CP: variants seen among roughly 807,000 people sequenced by gnomAD.
CP encodes ceruloplasmin.
CP carries 64 observed loss-of-function variants against 122.4 expected under a neutral mutation model. That is an observed-to-expected ratio of 0.52 (90% CI 0.43 to 0.64). CP has a LOEUF of 0.64. Among genes scored for constraint, CP ranks in the 30% least tolerant of loss-of-function variants. The pLI, the probability that CP is intolerant of heterozygous loss-of-function variation, is 0.00. For synonymous variants in CP, 440 were observed against 436.4 expected (o/e 1.01, Z -0.10); for missense variants, 1,167 against 1,284.4 (o/e 0.91, Z 1.40).
chr3:149,194,563 G>T (rs1157200416), intron 9 of CP, among the ~76,000 whole-genome samples: 1 of 151,618 alleles, frequency 6.6e-6, no homozygotes, highest in Non-Finnish European at 1.5e-5. Flanking sequence ...TTAAGTGATG[G>T]TATTACCATT....
At chr3:149,217,573 G>A (rs1288191507) in intron 1 of CP, among the ~76,000 whole-genome samples, 1 of 152,138 alleles carries the variant, frequency 6.6e-6, no homozygotes, top group Non-Finnish European at 1.5e-5. Context: ...CTGCCCAGAG[G>A]AGCATTGACA....
At chr3:149,186,100 C>T (rs1726150630) in intron 11 of CP, 1 of 230,030 alleles carries the variant, frequency 4.3e-6, no homozygotes, top group Non-Finnish European at 8.6e-6. Context: ...TGCATGGCTA[C>T]AATGCTAGCA....
intron 6 of CP, among the ~76,000 whole-genome samples, chr3:149,202,846 T>G (rs1727437230): frequency 7.0e-6 from 1 of 142,790 alleles, no homozygotes; most frequent in Non-Finnish European, 1.5e-5. Flanking sequence ...CCTGACCTCA[T>G]GATCTGCCCG....
chr3:149,172,318 TCACACACACA>T (rs113015797), downstream of CP: 253 of 571,942 alleles, frequency 4.4e-4, 4 homozygotes, highest in South Asian at 2.8e-3. Context: ...ATTTTATATA[TCACACACACA>T]CACACACACA....
chr3:149,162,751 A>G (rs1187673602), exon 6 of CP: 2 of 1,613,766 alleles, frequency 1.2e-6, no homozygotes, highest in Admixed American at 3.3e-5. Context: ...TGGGAAGCTC[A>G]GCTAGTGGCA....
chr3:149,185,598 G>C (rs2108236768), intron 11 of CP, 152 bp from the exon 12 acceptor site: 2 of 730,908 alleles, frequency 2.7e-6, no homozygotes, highest in East Asian at 5.4e-5. Context: ...CCATCCTTTT[G>C]CTGTTCTTAG....
chr3:149,166,599 C>T (rs1304541353), intron 4 of CP, among the ~76,000 whole-genome samples: 1 of 152,122 alleles, frequency 6.6e-6, no homozygotes, highest in Non-Finnish European at 1.5e-5. Flanking sequence ...GTTCCATTAT[C>T]TGAGTGTGCC....
intron 10 of CP, among the ~76,000 whole-genome samples, chr3:149,187,474 T>C (rs567970262): frequency 1.1e-3 from 166 of 152,324 alleles, no homozygotes; most frequent in Non-Finnish European, 2.0e-3. Flanking sequence ...AAAAATCTGG[T>C]ATTAGACTTA....
At chr3:149,202,350 A>G in intron 6 of CP, 109 bp from the exon 7 acceptor site, 1 of 1,363,232 alleles carries the variant, frequency 7.3e-7, no homozygotes, top group South Asian at 1.2e-5. Flanking sequence ...CTTAGAGATG[A>G]ATATTATCCA....
intron 1 of CP, among the ~76,000 whole-genome samples, chr3:149,220,103 G>A (rs10935744): frequency 0.098 from 14,921 of 152,110 alleles, 1,017 homozygotes; most frequent in East Asian, 0.29. Context: ...CAGGCCACAG[G>A]AGTAATTAAA....
chr3:149,220,891 A>C (rs34335607), intron 1 of CP, among the ~76,000 whole-genome samples: 14,926 of 152,212 alleles, frequency 0.098, 1,017 homozygotes, highest in East Asian at 0.29. Flanking sequence ...AGTATAGATA[A>C]ACTTCTGTAC....
At chr3:149,194,081 G>T (rs1412624562) in intron 9 of CP, among the ~76,000 whole-genome samples, 1 of 152,044 alleles carries the variant, frequency 6.6e-6, no homozygotes, top group Non-Finnish European at 1.5e-5. Flanking sequence ...TGTTGCAAAG[G>T]TCAAATAAGG....
In CP at chr3:149,177,996, G is replaced by T; in HGVS notation, c.2879-17C>A. 1 of 1,609,814 alleles carries T rather than the reference G, an allele frequency of 6.2e-7. No homozygotes were observed. The highest frequency in any genetic ancestry group is 1.7e-4 in the Middle Eastern group (1 of 6,050). On this transcript the variant is annotated splice_polypyrimidine_tract_variant and intron_variant, in intron 16 of 18. Transcript: ENST00000264613. ...CATTAATAGCTAGGGAAAGCATATGGTTTTATGTTACTTTTCAGGATATTT... is the reference window on the plus strand; with the variant it reads ...CATTAATAGCTAGGGAAAGCATATGTTTTTATGTTACTTTTCAGGATATTT...
intron 1 of CP, among the ~76,000 whole-genome samples, chr3:149,220,511 A>G (rs1053224049): frequency 6.6e-6 from 1 of 151,988 alleles, no homozygotes; most frequent in Admixed American, 6.6e-5. Flanking sequence ...TAATTACAAG[A>G]TGTATTAGTT....
chr3:149,170,655 G>A (rs907038122), downstream of CP: 2 of 152,140 alleles, frequency 1.3e-5, no homozygotes, highest in African/African-American at 4.8e-5. Flanking sequence ...AACCATTGCT[G>A]CTTTATTCAT....
At chr3:149,191,511 A>G (rs35972521) in intron 9 of CP, among the ~76,000 whole-genome samples, 9,001 of 151,192 alleles carry the variant, frequency 0.06, 309 homozygotes, top group African/African-American at 0.075. Flanking sequence ...CCACTAGCCA[A>G]TTCATACTTA....
At chr3:149,195,738 C>T (rs545128083) in intron 9 of CP, among the ~76,000 whole-genome samples, 103 of 151,934 alleles carry the variant, frequency 6.8e-4, no homozygotes, top group African/African-American at 2.3e-3. Flanking sequence ...TGGTGGCGGG[C>T]GCCTGTAGTC....
In CP at chr3:149,188,098, C is replaced by T. The variant is rs766556425; in HGVS notation, c.1818G>A (p.Gln606=). ...NIRMFTTAPD[Q]VDKEDEDFQE... is the part of the protein sequence containing the mutation. ...GAAAGTCTTCATCTTCCTTATCCAC[C>T]TGATCAGGTGCAGTTGTAAACATTC... The change falls in exon 10 of 19, where the codon CAG becomes CAA. Residue 606 remains glutamine, a synonymous_variant. Coordinates refer to ENST00000264613, the MANE Select transcript of CP (RefSeq NM_000096.4). 8.7e-6 allele frequency: 14 copies of T among 1,612,232 alleles called. No individual in the cohort carries two copies. Among genetic ancestry groups the T allele is most frequent in the South Asian group, 1.1e-5 (1 of 91,010 alleles).
downstream of CP, chr3:149,167,992 A>ATT (rs397710976): frequency 9.8e-3 from 12,565 of 1,287,910 alleles, 26 homozygotes; most frequent in South Asian, 0.019. Flanking sequence ...AGGTAAAATG[A>ATT]TTTTTTTTTT....
Sources: allele counts gnomAD v4.1 joint callset (sites outside exome capture counted in the v4.1 genomes callset), GRCh38; gene constraint gnomAD v4.1.1; transcripts MANE v1.5; gene names NCBI Gene and HGNC (gene_info 2026-07-23, HGNC 2026-07-21).